ATRNL1: variants seen among roughly 807,000 people sequenced by gnomAD.
ATRNL1 encodes attractin-like protein 1.
Under a neutral mutation model 182.7 loss-of-function variants are expected in ATRNL1, and 95 were observed. That is an observed-to-expected ratio of 0.52 (90% CI 0.44 to 0.62). The LOEUF (loss-of-function observed/expected upper bound fraction) is 0.62. Among genes scored for constraint, ATRNL1 ranks in the 20% least tolerant of loss-of-function variants. The probability of loss-of-function intolerance (pLI) is 0.00; values close to 1 mark genes in which losing one functional copy is unlikely to be tolerated. For missense variants in ATRNL1, 1,471 were observed against 1,679.5 expected, an observed-to-expected ratio of 0.88 and a Z score of 2.17; for synonymous variants, 576 against 568.3, an observed-to-expected ratio of 1.01 and a Z score of -0.19.
chr10:115,587,400 C>G (rs1418478847), intron 26 of ATRNL1, among the ~76,000 whole-genome samples: 1 of 151,780 alleles, frequency 6.6e-6, no homozygotes, highest in African/African-American at 2.4e-5. Flanking sequence ...GCTGTGCTAG[C>G]AATCAGTGAG....
chr10:115,751,504 T>G (rs12262485), intron 27 of ATRNL1, among the ~76,000 whole-genome samples: 3,550 of 152,108 alleles, frequency 0.023, 122 homozygotes, highest in African/African-American at 0.081. Flanking sequence ...ACAGCCTCTG[T>G]GGAGGAGAAT....
At chr10:115,173,767 T>G (rs1246434939) in intron 8 of ATRNL1, among the ~76,000 whole-genome samples, 1 of 151,922 alleles carries the variant, frequency 6.6e-6, no homozygotes, top group Non-Finnish European at 1.5e-5. Context: ...GCCCTTGTTT[T>G]GTTTTTTTGG....
rs1554862498 is a variant in ATRNL1 at position 115,094,056 on chromosome 10, G to A, written c.293+13G>A. The A allele has an allele frequency of 9.0e-6, 13 of 1,449,428 alleles. No homozygotes were observed. Among genetic ancestry groups the A allele is most frequent in the Admixed American group, 2.3e-5 (1 of 43,702 alleles). The allele number at this position is 1,449,428 out of a possible 1,614,324, so 89.8% of individuals were successfully genotyped here. A position where few individuals can be genotyped will look rare whatever the true frequency, so the allele number is the denominator to read the frequency against. ...AGGGCAGGTTCAAGTAAGTGCCTTC[G>A]CCGGACCCCGAACCTCCAGCCCTGC... On this transcript the variant is annotated intron_variant, in intron 1 of 28. Coordinates refer to ENST00000355044, the MANE Select transcript of ATRNL1 (RefSeq NM_207303.4).
At chr10:115,305,323 G>C (rs543357156) in intron 17 of ATRNL1, among the ~76,000 whole-genome samples, 4 of 152,316 alleles carry the variant, frequency 2.6e-5, no homozygotes, top group Admixed American at 1.3e-4. Flanking sequence ...CCCAGCTGCA[G>C]CTGTTGTGTT....
chr10:115,214,179 C>A (rs1185517214), intron 8 of ATRNL1, among the ~76,000 whole-genome samples: 1 of 151,788 alleles, frequency 6.6e-6, no homozygotes. Flanking sequence ...TGAAATGTAC[C>A]TCTAGGTAGT....
chr10:115,202,125 T>C (rs1554892531), intron 8 of ATRNL1, among the ~76,000 whole-genome samples: 1 of 152,150 alleles, frequency 6.6e-6, no homozygotes, highest in Non-Finnish European at 1.5e-5. Flanking sequence ...CTTAAGGAGA[T>C]ATTGGGCTGA....
chr10:115,262,943 T>C (rs1851452128), intron 10 of ATRNL1, among the ~76,000 whole-genome samples: 1 of 151,838 alleles, frequency 6.6e-6, no homozygotes, highest in African/African-American at 2.4e-5. Flanking sequence ...GGGGAGCAAA[T>C]TGGGAAAATC....
At chr10:115,666,988 A>G (rs782389666) in intron 26 of ATRNL1, among the ~76,000 whole-genome samples, 2 of 152,214 alleles carry the variant, frequency 1.3e-5, no homozygotes, top group African/African-American at 2.4e-5. Context: ...TCTCAAATAC[A>G]TGCAGTTTAG....
chr10:115,239,360 G>C (rs1203848646), intron 9 of ATRNL1, among the ~76,000 whole-genome samples: 1 of 152,018 alleles, frequency 6.6e-6, no homozygotes. Context: ...AGCCTCCCGA[G>C]TAGCTGGGAC....
intron 5 of ATRNL1, among the ~76,000 whole-genome samples, chr10:115,156,496 T>C (rs1846523953): frequency 6.6e-6 from 1 of 152,148 alleles, no homozygotes; most frequent in African/African-American, 2.4e-5. Flanking sequence ...GGGCTGGACA[T>C]ATACATTTGG....
At chr10:115,602,001 G>T (rs1856623523) in intron 26 of ATRNL1, among the ~76,000 whole-genome samples, 1 of 147,866 alleles carries the variant, frequency 6.8e-6, no homozygotes, top group Non-Finnish European at 1.5e-5. Flanking sequence ...TTTCTTACTA[G>T]ATCTACTTTT....
intron 19 of ATRNL1, among the ~76,000 whole-genome samples, chr10:115,347,484 C>T (rs1383012754): frequency 1.3e-5 from 2 of 151,960 alleles, no homozygotes; most frequent in African/African-American, 2.4e-5. Flanking sequence ...ACATTTATTA[C>T]TATTCTTTCA....
intron 19 of ATRNL1, among the ~76,000 whole-genome samples, chr10:115,339,453 T>G (rs1347511202): frequency 6.6e-6 from 1 of 152,164 alleles, no homozygotes; most frequent in Non-Finnish European, 1.5e-5. Flanking sequence ...CCCAGGTATT[T>G]AATTTTATGT....
intron 27 of ATRNL1, among the ~76,000 whole-genome samples, chr10:115,775,033 A>G (rs1949088573): frequency 6.6e-6 from 1 of 152,198 alleles, no homozygotes. Flanking sequence ...ATCAGCTGTT[A>G]ATTTTTAAGA....
rs1554874552 is a variant in ATRNL1, at chr10:115,129,520, A to G, written c.814A>G (p.Asn272Asp). 6.2e-7 allele frequency: 1 copy of G among 1,614,104 alleles called. No homozygotes were observed. Among genetic ancestry groups the G allele is most frequent in the South Asian group, 1.1e-5 (1 of 91,078 alleles). ...DLTGEKLCVC[N>D]DSWQGPDCSL... is the part of the protein sequence containing the mutation. ...GACTGGAGAAAAATTATGTGTCTGC[A>G]ATGATAGTTGGCAAGGTAAGCATGT... Residue 272 changes from asparagine to aspartate, a missense_variant, in exon 5 of 29, where the codon AAT becomes GAT. By Grantham distance (23) the Asn-to-Asp change is conservative (BLOSUM62 1). Coordinates refer to ENST00000355044, the MANE Select transcript of ATRNL1 (RefSeq NM_207303.4).
chr10:115,549,370 A>G (rs1336109), intron 25 of ATRNL1, 88 bp from the exon 26 acceptor site: 132,104 of 667,408 alleles, frequency 0.2, 15,644 homozygotes, highest in Non-Finnish European at 0.22. Context: ...ACTTATATAT[A>G]TATGTATTTG....
chr10:115,212,396 G>T (rs149964073), intron 8 of ATRNL1, among the ~76,000 whole-genome samples: 1 of 151,654 alleles, frequency 6.6e-6, no homozygotes, highest in Non-Finnish European at 1.5e-5. Flanking sequence ...TACACTGTTG[G>T]TGGGAGTGTA....
At chr10:115,766,782 T>C (rs2907588) in intron 27 of ATRNL1, among the ~76,000 whole-genome samples, 149,614 of 152,282 alleles carry the variant, frequency 0.98, 73,544 homozygotes, top group Middle Eastern at 1. Context: ...ATCTTCAGAC[T>C]ATTATGCATT....
intron 19 of ATRNL1, among the ~76,000 whole-genome samples, chr10:115,335,963 A>G (rs528598916): frequency 3.9e-5 from 6 of 152,254 alleles, no homozygotes; most frequent in Admixed American, 6.5e-5. Flanking sequence ...GTTTTGTGTT[A>G]TGCAGTGCTC....
Sources: allele counts gnomAD v4.1 joint callset (sites outside exome capture counted in the v4.1 genomes callset), GRCh38; gene constraint gnomAD v4.1.1; transcripts MANE v1.5; gene names NCBI Gene and HGNC (gene_info 2026-07-23, HGNC 2026-07-21).